EFCAB12: variants seen among roughly 807,000 people sequenced by gnomAD.
EFCAB12 encodes the protein EF-hand calcium-binding domain-containing protein 12.
Under a neutral mutation model 53.6 loss-of-function variants are expected in EFCAB12, and 43 were observed. That is an observed-to-expected ratio of 0.80 (90% CI 0.63 to 1.03). The LOEUF is 1.03. EFCAB12 is among the 50% of genes least tolerant of loss of function. The probability of loss-of-function intolerance (pLI) is 0.00; values close to 1 mark genes in which losing one functional copy is unlikely to be tolerated. For synonymous variants in EFCAB12, 269 were observed against 289.2 expected, an observed-to-expected ratio of 0.93 and a Z score of 0.71; for missense variants, 646 against 730.6, an observed-to-expected ratio of 0.88 and a Z score of 1.34.
In EFCAB12 at chr3:129,426,217, CCCTT is replaced by C. The variant is rs1029824167; in HGVS notation, c.49+2219_49+2222del. On this transcript the variant is annotated intron_variant, in intron 1 of 8. Transcript: ENST00000505956. ...AGGGTCTCTTCTCTTTTTAAATAAT[CCCTT>C]CCATTCTCATGTTTCTATGACCTTC... 1.2e-3 allele frequency among the ~76,000 whole-genome samples: 185 copies of C among 152,176 alleles called. 2 individuals are homozygous for C. The highest frequency in any genetic ancestry group is 4.2e-3 in the African/African-American group (176 of 41,522).
chr3:129,404,307 G>C lies in EFCAB12; in HGVS notation c.1346C>G (p.Ser449Cys). 1 of 1,613,922 alleles carries C rather than the reference G, an allele frequency of 6.2e-7. No homozygotes were observed. Among genetic ancestry groups the C allele is most frequent in the Non-Finnish European group, 8.5e-7 (1 of 1,179,872 alleles). Residue 449 changes from serine to cysteine, a missense_variant, in exon 7 of 9, where the codon TCT becomes TGT. Transcript: ENST00000505956. Reference sequence around the variant, plus strand: ...GGACCGGAGCAGAGCCAGATTCGGAGAAAAGACCTTCCAGTCAGAGTAGTA... The same window carrying C: ...GGACCGGAGCAGAGCCAGATTCGGACAAAAGACCTTCCAGTCAGAGTAGTA... ...GGYYSDWKVFSPNLALLRSQG... is the reference protein window; with the variant it reads ...GGYYSDWKVFCPNLALLRSQG...
chr3:129,401,738 C>T lies in EFCAB12; in HGVS notation c.1574G>A (p.Arg525Gln), dbSNP rs376335610. The T allele has an allele frequency of 9.9e-5, 159 of 1,603,072 alleles. No homozygotes were observed. The highest frequency in any genetic ancestry group is 1.2e-4 in the South Asian group (11 of 89,200). ...AACACAACTGAAGAGCGCCAGGCTC[C>T]GGTCTGTGGCCACAGTGGGCAGGTA... is the stretch of plus-strand genomic sequence containing the variant. ...QLYLPTVATD[R>Q]SLALFSCVQH... The change falls in exon 9 of 9, where the codon CGG becomes CAG. Residue 525 changes from arginine to glutamine, a missense_variant. By Grantham distance (43) the Arg-to-Gln change is conservative (BLOSUM62 1). Coordinates refer to ENST00000505956, the MANE Select transcript of EFCAB12 (RefSeq NM_207307.3).
intron 2 of EFCAB12, among the ~76,000 whole-genome samples, chr3:129,421,064 G>A (rs966023439): frequency 2.0e-5 from 3 of 152,262 alleles, no homozygotes; most frequent in African/African-American, 7.2e-5. Context: ...TGTGGCCCAG[G>A]CCAACATCCT....
At position 129,421,456 on chromosome 3, in the gene EFCAB12, T is replaced by G. The variant is rs2072186005; in HGVS notation, c.397A>C (p.Thr133Pro). 7 of 1,614,058 alleles carry G rather than the reference T, an allele frequency of 4.3e-6. No homozygotes were observed. The East Asian group carries it at 1.6e-4, about 36-fold the overall frequency. The change falls in exon 2 of 9, where the codon ACG (threonine) becomes CCG (proline). Residue 133 changes from threonine (T) to proline (P), a missense_variant. Coordinates refer to ENST00000505956, the MANE Select transcript of EFCAB12 (RefSeq NM_207307.3). ...TGTAAGACCTTGGCCTCTGAAGGCG[T>G]GATGCTGGGCTTGTTCTCCAGCCAC... ...KRWLENKPSITPSEAKVLHMI... is the reference protein window; with the variant it reads ...KRWLENKPSIPPSEAKVLHMI...
intron 6 of EFCAB12, 55 bp downstream of exon 6, chr3:129,408,590 C>T: frequency 1.3e-6 from 2 of 1,541,310 alleles, no homozygotes; most frequent in Non-Finnish European, 1.8e-6. Flanking sequence ...TCACCCTCAC[C>T]CCAGCTCTGG....
intron 4 of EFCAB12, 36 bp from the exon 5 acceptor site, chr3:129,411,390 C>G: frequency 6.6e-7 from 1 of 1,526,482 alleles, no homozygotes; most frequent in Middle Eastern, 1.8e-4. Flanking sequence ...GAAGGAGGGA[C>G]TAAGAGGGTG....
In EFCAB12 at chr3:129,421,388, C is replaced by T. The variant is rs573378171; in HGVS notation, c.465G>A (p.Gln155=). The T allele has an allele frequency of 6.2e-6, 10 of 1,607,898 alleles. No homozygotes were observed. In the East Asian group the frequency reaches 2.0e-4, roughly 32 times the overall value. ...TCACCCTGGTGGTCCTGGTAGTTGC[C>T]TGGGAGGCATTTGGCTGGGCACTCT... ...EEQSAQPNAS[Q]ATTRTTRKKA... Residue 155 remains glutamine, a synonymous_variant, in exon 2 of 9, where the codon CAG becomes CAA. Transcript: ENST00000505956.
chr3:129,411,356 T>G lies in EFCAB12; in HGVS notation c.839-2A>C. On this transcript the variant is annotated splice_acceptor_variant, in intron 4 of 8. Transcript: ENST00000505956. LOFTEE classifies it high-confidence loss of function. Reference sequence around the variant, plus strand: ...CTCTGTGCTTGGCCAAGATATAATCTGGAGTCAGAGGGAAGAGATGAAGGA... The same window carrying G: ...CTCTGTGCTTGGCCAAGATATAATCGGGAGTCAGAGGGAAGAGATGAAGGA... The G allele has an allele frequency of 6.4e-7, 1 of 1,562,620 alleles. No individual in the cohort carries two copies. The highest frequency in any genetic ancestry group is 8.7e-7 in the Non-Finnish European group (1 of 1,150,768).
chr3:129,412,192 A>G (rs2072050544), intron 4 of EFCAB12: 1 of 152,176 alleles, frequency 6.6e-6, no homozygotes, highest in African/African-American at 2.4e-5. Flanking sequence ...TGGATGGCAG[A>G]GCAAGACTCC....
intron 1 of EFCAB12, among the ~76,000 whole-genome samples, chr3:129,427,784 T>C (rs1401484375): frequency 6.6e-6 from 1 of 152,238 alleles, no homozygotes; most frequent in Non-Finnish European, 1.5e-5. Context: ...CAGTGGCCTC[T>C]CCATCTCCTG....
intron 1 of EFCAB12, among the ~76,000 whole-genome samples, chr3:129,428,137 T>C (rs1215289894): frequency 6.6e-6 from 1 of 152,214 alleles, no homozygotes; most frequent in African/African-American, 2.4e-5. Flanking sequence ...AGCACATTAC[T>C]GCCAAAACCT....
At chr3:129,404,809 G>T (rs576114909) in intron 6 of EFCAB12, among the ~76,000 whole-genome samples, 1 of 152,220 alleles carries the variant, frequency 6.6e-6, no homozygotes, top group Admixed American at 6.5e-5. Context: ...GGTTAACTTA[G>T]ACCAATTTTC....
Position 129,421,681 on chromosome 3 carries a change from GC to G in EFCAB12, c.171del (p.Arg58GlufsTer49), listed in dbSNP as rs1427604229. The G allele has an allele frequency of 6.2e-7, 1 of 1,613,874 alleles. No homozygotes were observed. The highest frequency in any genetic ancestry group is 1.7e-5 in the Admixed American group (1 of 60,008). ...QKDFRLPQTR[R>X]RIIMVPRKED... ...TCCTTGCGAGGCACCATGATGATTCGCCGGCGGGTCTGAGGCAGGCGGAAGT... is the reference window on the plus strand; with the variant it reads ...TCCTTGCGAGGCACCATGATGATTCGCGGCGGGTCTGAGGCAGGCGGAAGT... On this transcript the variant is annotated frameshift_variant, in exon 2 of 9. Transcript: ENST00000505956. LOFTEE classifies it high-confidence loss of function.
In EFCAB12 at chr3:129,405,868, C is replaced by T. The variant is rs552650345; in HGVS notation, c.1250-1465G>A. ...CAGGATGCTCCTGTGTGCCCATGAACGTGAGATCCTGCAGACAGGTGAAGC... is the reference window on the plus strand; with the variant it reads ...CAGGATGCTCCTGTGTGCCCATGAATGTGAGATCCTGCAGACAGGTGAAGC... On this transcript the variant is annotated intron_variant, in intron 6 of 8. Transcript: ENST00000505956. Among the ~76,000 whole-genome samples the T allele has an allele frequency of 5.3e-5, 8 of 152,260 alleles. No homozygotes were observed. The East Asian group carries it at 7.7e-4, about 15-fold the overall frequency.
At chr3:129,416,025 C>A (rs1000296692) in intron 3 of EFCAB12, among the ~76,000 whole-genome samples, 1 of 152,194 alleles carries the variant, frequency 6.6e-6, no homozygotes, top group Non-Finnish European at 1.5e-5. Context: ...TCAAGTGATC[C>A]GCCTGGTTCG....
At position 129,421,782 on chromosome 3, in the gene EFCAB12, G is replaced by A. The variant is rs760617994; in HGVS notation, c.71C>T (p.Pro24Leu). The A allele has an allele frequency of 5.1e-5, 82 of 1,613,004 alleles. No homozygotes were observed. The East Asian group carries it at 1.8e-3, about 35-fold the overall frequency. The change falls in exon 2 of 9, where the codon CCC becomes CTC. Residue 24 changes from proline (P) to leucine (L), a missense_variant. Physicochemically the swap from Pro to Leu is moderately conservative, Grantham distance 98. Coordinates refer to ENST00000505956, the MANE Select transcript of EFCAB12 (RefSeq NM_207307.3). ...AAAGACGGGAGCATTTTCATTGATGGGAGTCTTAGACGGGCAGAGTCCTTG... is the reference window on the plus strand; with the variant it reads ...AAAGACGGGAGCATTTTCATTGATGAGAGTCTTAGACGGGCAGAGTCCTTG... ...SLLGLCPSKTPINENAPVFDP... is the reference protein window; with the variant it reads ...SLLGLCPSKTLINENAPVFDP...
In EFCAB12 at chr3:129,411,417, G is replaced by A. The variant is rs1030244067; in HGVS notation, c.839-63C>T. ...AAGAGGGTGCCCAGCCACGGAACCT[G>A]CCAAGCAGTTATCCAGTGTCACCCA... On this transcript the variant is annotated intron_variant, in intron 4 of 8. Transcript: ENST00000505956. 79 of 1,490,030 alleles carry A rather than the reference G, an allele frequency of 5.3e-5. No individual in the cohort carries two copies. In the African/African-American group the frequency reaches 1.0e-3, roughly 19 times the overall value. The allele number at this position is 1,490,030 out of a possible 1,614,324, so 92.3% of individuals were successfully genotyped here.
chr3:129,407,992 G>A (rs2071975172), intron 6 of EFCAB12, among the ~76,000 whole-genome samples: 1 of 152,192 alleles, frequency 6.6e-6, no homozygotes, highest in South Asian at 2.1e-4. Context: ...TCGGGGCTGG[G>A]CCCTTCTCCG....
At chr3:129,406,280 G>C (rs1424816310) in intron 6 of EFCAB12, among the ~76,000 whole-genome samples, 2 of 152,172 alleles carry the variant, frequency 1.3e-5, no homozygotes, top group African/African-American at 4.8e-5. Flanking sequence ...AGCATCCAGA[G>C]CTATAGGATC....
Sources: allele counts gnomAD v4.1 joint callset (sites outside exome capture counted in the v4.1 genomes callset), GRCh38; gene constraint gnomAD v4.1.1; transcripts MANE v1.5; gene names NCBI Gene and HGNC (gene_info 2026-07-23, HGNC 2026-07-21).